SEMA6D: variants seen among roughly 807,000 people sequenced by gnomAD.
SEMA6D encodes the protein semaphorin-6D.
In SEMA6D, 35 loss-of-function variants were observed where a neutral mutation model predicts 106.6. That is an observed-to-expected ratio of 0.33 (90% CI 0.25 to 0.44). The LOEUF is 0.44. Ranked by LOEUF, SEMA6D falls within the 20% of genes least tolerant of loss-of-function variation. The probability of loss-of-function intolerance (pLI) is 1.00; values close to 1 mark genes in which losing one functional copy is unlikely to be tolerated. For missense variants in SEMA6D, 1,185 were observed against 1,345.9 expected, an observed-to-expected ratio of 0.88 and a Z score of 1.87; for synonymous variants, 499 against 487.7, an observed-to-expected ratio of 1.02 and a Z score of -0.31.
intron 1 of SEMA6D, among the ~76,000 whole-genome samples, chr15:47,744,482 C>T (rs1567061631): frequency 6.6e-6 from 1 of 152,122 alleles, no homozygotes; most frequent in African/African-American, 2.4e-5. Flanking sequence ...GATCTGCTAG[C>T]CTGTGGGACC....
chr15:47,504,240 C>A (rs1020323956), intron 3 of SEMA6D, among the ~76,000 whole-genome samples: 1 of 152,154 alleles, frequency 6.6e-6, no homozygotes, highest in Non-Finnish European at 1.5e-5. Context: ...CCTCTACTCC[C>A]AACTTCTGAA....
chr15:47,505,423 A>G (rs1401902035), intron 3 of SEMA6D, among the ~76,000 whole-genome samples: 1 of 152,256 alleles, frequency 6.6e-6, no homozygotes, highest in East Asian at 1.9e-4. Context: ...CTGCGAAACA[A>G]CTGGCTTAGA....
chr15:47,726,041 A>C (rs538265123), intron 1 of SEMA6D, among the ~76,000 whole-genome samples: 1 of 152,386 alleles, frequency 6.6e-6, no homozygotes, highest in African/African-American at 2.4e-5. Flanking sequence ...GACATAAAGC[A>C]GAGAACCTGT....
intron 4 of SEMA6D, among the ~76,000 whole-genome samples, chr15:47,686,502 C>T (rs1297691982): frequency 2.6e-5 from 4 of 152,242 alleles, no homozygotes; most frequent in Non-Finnish European, 5.9e-5. Flanking sequence ...TCTCCATCAT[C>T]GTGCAAATGC....
At chr15:47,750,117 T>G (rs943015010) in intron 1 of SEMA6D, among the ~76,000 whole-genome samples, 1 of 152,120 alleles carries the variant, frequency 6.6e-6, no homozygotes, top group African/African-American at 2.4e-5. Context: ...AGGCTTCTTT[T>G]CAAAGAAGCC....
chr15:47,361,474 A>G (rs780350851), intron 1 of SEMA6D, among the ~76,000 whole-genome samples: 4 of 152,188 alleles, frequency 2.6e-5, no homozygotes, highest in Non-Finnish European at 4.4e-5. Flanking sequence ...ATGGGCTTCT[A>G]TTCTTCATCT....
chr15:47,331,037 C>T (rs1016478666), intron 1 of SEMA6D, among the ~76,000 whole-genome samples: 1 of 152,184 alleles, frequency 6.6e-6, no homozygotes, highest in Non-Finnish European at 1.5e-5. Flanking sequence ...ATCAAGGTCA[C>T]AGTAGTACAG....
chr15:47,292,194 A>C (rs1413413216), intron 1 of SEMA6D, among the ~76,000 whole-genome samples: 4 of 152,232 alleles, frequency 2.6e-5, no homozygotes, highest in African/African-American at 9.6e-5. Context: ...TTGAAAGACC[A>C]CTGTGTTCAG....
At chr15:47,259,538 C>G (rs900216669) in intron 1 of SEMA6D, among the ~76,000 whole-genome samples, 1 of 151,748 alleles carries the variant, frequency 6.6e-6, no homozygotes, top group African/African-American at 2.4e-5. Flanking sequence ...ATGAGAAATC[C>G]AACTGTCATT....
intron 3 of SEMA6D, among the ~76,000 whole-genome samples, chr15:47,521,264 G>A (rs1265347089): frequency 6.6e-6 from 1 of 152,190 alleles, no homozygotes; most frequent in Non-Finnish European, 1.5e-5. Context: ...GGCAGCGGTG[G>A]AAGCAGGGAC....
At chr15:47,372,526 C>T (rs763240578) in intron 1 of SEMA6D, among the ~76,000 whole-genome samples, 3 of 152,216 alleles carry the variant, frequency 2.0e-5, no homozygotes, top group African/African-American at 7.2e-5. Context: ...CTATTTAGCT[C>T]ACCTTCCTGC....
chr15:47,516,561 G>C (rs1337485947), intron 3 of SEMA6D, among the ~76,000 whole-genome samples: 1 of 152,104 alleles, frequency 6.6e-6, no homozygotes, highest in African/African-American at 2.4e-5. Context: ...AATACTAATT[G>C]CTCAGAGCTC....
intron 3 of SEMA6D, among the ~76,000 whole-genome samples, chr15:47,544,397 T>C (rs1013163647): frequency 1.4e-4 from 21 of 152,150 alleles, no homozygotes; most frequent in African/African-American, 4.3e-4. Flanking sequence ...ATTGAATACA[T>C]GTTTATTGGC....
intron 4 of SEMA6D, among the ~76,000 whole-genome samples, chr15:47,643,993 A>T (rs372934399): frequency 8.5e-5 from 13 of 152,160 alleles, no homozygotes; most frequent in African/African-American, 3.1e-4. Flanking sequence ...CCCACATATG[A>T]GTGAGAACAG....
In SEMA6D at chr15:47,515,821, C is replaced by T. The variant is rs144002805; in HGVS notation, c.-87+45276C>T. On this transcript the variant is annotated intron_variant, in intron 3 of 19. Transcript: ENST00000558014. Reference sequence around the variant, plus strand: ...TCAACTTTTCAATGAGGCTGCCTTACGACATTTTAATATATTTTGACTCTG... The same window carrying T: ...TCAACTTTTCAATGAGGCTGCCTTATGACATTTTAATATATTTTGACTCTG... Among the ~76,000 whole-genome samples, 170 of 152,276 alleles carry T rather than the reference C, an allele frequency of 1.1e-3. 1 individual carries two copies. Among genetic ancestry groups the T allele is most frequent in the African/African-American group, 3.6e-3 (150 of 41,556 alleles).
intron 1 of SEMA6D, among the ~76,000 whole-genome samples, chr15:47,335,094 T>C (rs1381773282): frequency 4.6e-5 from 7 of 152,076 alleles, no homozygotes; most frequent in Admixed American, 6.6e-5. Flanking sequence ...AGACCTTTTT[T>C]TTGGTCACCA....
At chr15:47,576,208 CAG>C (rs1484878569) in intron 3 of SEMA6D, among the ~76,000 whole-genome samples, 1 of 152,118 alleles carries the variant, frequency 6.6e-6, no homozygotes, top group African/African-American at 2.4e-5. Flanking sequence ...CTTTAAAATG[CAG>C]AGTGATGGAG....
intron 1 of SEMA6D, among the ~76,000 whole-genome samples, chr15:47,726,556 C>G (rs937986398): frequency 6.6e-6 from 1 of 152,150 alleles, no homozygotes; most frequent in Non-Finnish European, 1.5e-5. Context: ...GAGTCAACTT[C>G]GTGGGGGCTG....
chr15:47,502,920 C>T (rs2043902001), intron 3 of SEMA6D, among the ~76,000 whole-genome samples: 1 of 152,238 alleles, frequency 6.6e-6, no homozygotes, highest in Non-Finnish European at 1.5e-5. Flanking sequence ...GATCTTCCCT[C>T]TCCTACAACC....
Sources: allele counts gnomAD v4.1 joint callset (sites outside exome capture counted in the v4.1 genomes callset), GRCh38; gene constraint gnomAD v4.1.1; transcripts MANE v1.5; gene names NCBI Gene and HGNC (gene_info 2026-07-23, HGNC 2026-07-21).